RTN1: variants seen among roughly 807,000 people sequenced by gnomAD.
The protein encoded by RTN1 is reticulon-1.
Under a neutral mutation model 65.5 loss-of-function variants are expected in RTN1, and 25 were observed. The observed-to-expected ratio is 0.38, with a 90% CI of 0.28 to 0.53. The LOEUF (loss-of-function observed/expected upper bound fraction) is 0.53, where lower values mean the gene tolerates loss of function less well. Ranked by LOEUF, RTN1 falls within the 20% of genes least tolerant of loss-of-function variation. RTN1 has a pLI of 0.79. For synonymous variants in RTN1, 471 were observed against 447.6 expected (o/e 1.05, Z -0.66); for missense variants, 983 against 1,025.4 (o/e 0.96, Z 0.57).
At chr14:59,626,036 A>G (rs1486759511) in intron 3 of RTN1, among the ~76,000 whole-genome samples, 2 of 152,194 alleles carry the variant, frequency 1.3e-5, no homozygotes, top group Non-Finnish European at 2.9e-5. Context: ...TATTTGTATA[A>G]TACTTTAATA....
Position 59,868,383 on chromosome 14 carries a change from T to C in RTN1, c.241+2007A>G, listed in dbSNP as rs1260165521. Reference sequence around the variant, plus strand: ...AAACGTAGTATCATGTTTGATTTTATTACTATATTTGTTGCCTAGGATAGA... The same window carrying C: ...AAACGTAGTATCATGTTTGATTTTACTACTATATTTGTTGCCTAGGATAGA... On this transcript the variant is annotated intron_variant, in intron 1 of 8. Transcript: ENST00000267484. This position sits in a 1 kb window ranked among gnomAD's most constrained non-coding sequence, Gnocchi z 4.0. 6.6e-6 allele frequency among the ~76,000 whole-genome samples: 1 copy of C among 152,226 alleles called. No individual in the cohort carries two copies. The highest frequency in any genetic ancestry group is 1.5e-5 in the Non-Finnish European group (1 of 68,048).
At chr14:59,641,823 A>C (rs1882787372) in intron 3 of RTN1, among the ~76,000 whole-genome samples, 1 of 152,222 alleles carries the variant, frequency 6.6e-6, no homozygotes, top group Non-Finnish European at 1.5e-5. Flanking sequence ...CTTTTGTGCT[A>C]GGGCTTTTAT....
At chr14:59,680,625 A>G (rs1566683187) in intron 3 of RTN1, among the ~76,000 whole-genome samples, 1 of 152,214 alleles carries the variant, frequency 6.6e-6, no homozygotes, top group Non-Finnish European at 1.5e-5. Context: ...TCATCTTTCT[A>G]AAACACAATT....
intron 3 of RTN1, among the ~76,000 whole-genome samples, chr14:59,663,903 G>T (rs897768670): frequency 8.5e-5 from 13 of 152,148 alleles, no homozygotes; most frequent in African/African-American, 3.1e-4. Context: ...GTGGAAGATA[G>T]TGTGGCGATT....
chr14:59,811,355 T>C (rs984095283), intron 1 of RTN1, among the ~76,000 whole-genome samples: 14 of 152,314 alleles, frequency 9.2e-5, no homozygotes, highest in Middle Eastern at 3.4e-3. Context: ...AGTCTGATCA[T>C]TTCATCAGCC....
chr14:59,869,422 G>A (rs987642826), intron 1 of RTN1, among the ~76,000 whole-genome samples: 7 of 152,020 alleles, frequency 4.6e-5, no homozygotes, highest in African/African-American at 1.7e-4. Context: ...CCTCTCCCTG[G>A]AAACAGCGTT....
intron 1 of RTN1, among the ~76,000 whole-genome samples, chr14:59,851,655 C>A (rs554626756): frequency 1.3e-5 from 2 of 151,942 alleles, no homozygotes; most frequent in Non-Finnish European, 2.9e-5. Context: ...GTCAAAAGAT[C>A]GAGACCATCC....
At chr14:59,664,067 G>A (rs935405247) in intron 3 of RTN1, among the ~76,000 whole-genome samples, 5 of 152,000 alleles carry the variant, frequency 3.3e-5, no homozygotes, top group South Asian at 2.1e-4. Flanking sequence ...GGAACCAACC[G>A]AAATGCCCAG....
Position 59,727,639 on chromosome 14 carries a change from CT to C in RTN1, c.1044del (p.Gly349AlafsTer8). The C allele has an allele frequency of 1.2e-6, 2 of 1,608,572 alleles. No homozygotes were observed. Among genetic ancestry groups the C allele is most frequent in the Admixed American group, 1.7e-5 (1 of 59,298 alleles). The part of the protein sequence containing the change: ...TEPSAAESQG[K>X]GSISEDELIT... ...ATCAGCTCATCCTCGGAGATGCTGC[CT>C]TTCCCCTGGGATTCTGCAGCAGATG... On this transcript the variant is annotated frameshift_variant, in exon 3 of 9. Transcript: ENST00000267484. LOFTEE classifies it high-confidence loss of function. This position sits in a 1 kb window ranked among gnomAD's most constrained non-coding sequence, Gnocchi z 4.2.
At chr14:59,862,641 T>C (rs1887731143) in intron 1 of RTN1, among the ~76,000 whole-genome samples, 2 of 152,186 alleles carry the variant, frequency 1.3e-5, no homozygotes, top group African/African-American at 2.4e-5. Context: ...GCATATATCC[T>C]CAAATCCATT....
chr14:59,599,892 G>C (rs1881526228), intron 8 of RTN1, among the ~76,000 whole-genome samples: 1 of 152,140 alleles, frequency 6.6e-6, no homozygotes. Flanking sequence ...AGGTCACCAA[G>C]AGAGCTTCTA....
intron 3 of RTN1, chr14:59,630,924 T>A: frequency 2.5e-6 from 2 of 800,836 alleles, no homozygotes; most frequent in Non-Finnish European, 3.0e-6. Context: ...TGGGAGTTCT[T>A]GACTCCCAGA....
At chr14:59,833,927 A>G (rs1337376596) in intron 1 of RTN1, among the ~76,000 whole-genome samples, 1 of 152,210 alleles carries the variant, frequency 6.6e-6, no homozygotes, top group African/African-American at 2.4e-5. Flanking sequence ...TCATTTCCTT[A>G]AGAAAAACCA....
chr14:59,816,333 C>T lies in RTN1; in HGVS notation c.241+54057G>A, dbSNP rs922830649. ...ATTTCCCTGGAAGCCTCTGTCCACTCTCGCCCATCTCCACTTTGTCCATTT... is the reference window on the plus strand; with the variant it reads ...ATTTCCCTGGAAGCCTCTGTCCACTTTCGCCCATCTCCACTTTGTCCATTT... On this transcript the variant is annotated intron_variant, in intron 1 of 8. Transcript: ENST00000267484. The surrounding 1 kb of genome is among the most constrained non-coding windows in gnomAD (Gnocchi z 4.3). Among the ~76,000 whole-genome samples, 1 of 152,114 alleles carries T rather than the reference C, an allele frequency of 6.6e-6. No homozygotes were observed. The highest frequency in any genetic ancestry group is 6.6e-5 in the Admixed American group (1 of 15,266).
chr14:59,725,798 A>C (rs1460074685), intron 3 of RTN1, among the ~76,000 whole-genome samples: 1 of 152,236 alleles, frequency 6.6e-6, no homozygotes, highest in East Asian at 1.9e-4. Context: ...ATAACGAGAA[A>C]GATTTTGTCC....
At chr14:59,767,475 G>C (rs1885871026) in intron 1 of RTN1, among the ~76,000 whole-genome samples, 1 of 152,200 alleles carries the variant, frequency 6.6e-6, no homozygotes, top group Non-Finnish European at 1.5e-5. Context: ...TGATAAATCA[G>C]AGAGAAACTT....
intron 1 of RTN1, among the ~76,000 whole-genome samples, chr14:59,804,975 C>T (rs768358211): frequency 3.1e-4 from 47 of 152,348 alleles, no homozygotes; most frequent in Non-Finnish European, 5.4e-4. Flanking sequence ...GGTCACAGAT[C>T]TTAAGTAATG....
intron 1 of RTN1, among the ~76,000 whole-genome samples, chr14:59,821,903 G>C (rs777178856): frequency 6.6e-6 from 1 of 152,042 alleles, no homozygotes; most frequent in Non-Finnish European, 1.5e-5. Context: ...TCTGCTCCTG[G>C]GTTTAATTTG....
chr14:59,748,447 C>A (rs1394609672), intron 1 of RTN1, among the ~76,000 whole-genome samples: 2 of 151,776 alleles, frequency 1.3e-5, no homozygotes, highest in Admixed American at 1.3e-4. Context: ...ATTCTCTCAC[C>A]CCCAAGTCTT....
Sources: gnomAD v4.1 joint callset for allele counts (sites outside exome capture counted in the v4.1 genomes callset) on GRCh38, gnomAD v4.1.1 for gene constraint, Gnocchi (gnomAD v3.1) non-coding constraint, MANE v1.5 for transcripts, NCBI Gene and HGNC (gene_info 2026-07-23, HGNC 2026-07-21) for gene names.